HTRA1: variants seen among roughly 807,000 people sequenced by gnomAD.
HTRA1 encodes the protein HtrA serine peptidase 1, also known as serine protease HTRA1.
In HTRA1, 26 loss-of-function variants were observed where a neutral mutation model predicts 49.7. The ratio of observed to expected loss-of-function variants is 0.52; its 90% confidence interval spans 0.38 to 0.73. The LOEUF (loss-of-function observed/expected upper bound fraction) is 0.73. Ranked by LOEUF, HTRA1 falls within the 30% of genes least tolerant of loss-of-function variation. The pLI, the probability that HTRA1 is intolerant of heterozygous loss-of-function variation, is 0.00. For synonymous variants in HTRA1, 291 were observed against 286.9 expected (o/e 1.01, Z -0.14); for missense variants, 561 against 667.2 (o/e 0.84, Z 1.75).
chr10:122,500,850 C>G (rs2097500584), intron 3 of HTRA1, among the ~76,000 whole-genome samples: 1 of 152,216 alleles, frequency 6.6e-6, no homozygotes, highest in Non-Finnish European at 1.5e-5. Flanking sequence ...GCTGCGTGCA[C>G]AGACCTCCCC....
chr10:122,511,866 A>G, intron 7 of HTRA1, 104 bp from the exon 8 acceptor site: 1 of 799,856 alleles, frequency 1.3e-6, no homozygotes, highest in Non-Finnish European at 2.2e-6. Context: ...GAGGAATTTT[A>G]CCTTAGACCT....
intron 7 of HTRA1, 128 bp from the exon 8 acceptor site, chr10:122,511,842 G>T: frequency 1.4e-6 from 1 of 699,598 alleles, no homozygotes; most frequent in Non-Finnish European, 2.6e-6. Flanking sequence ...TTTAAAATAG[G>T]ATCAGAATTC....
chr10:122,479,555 A>G (rs189361323), intron 1 of HTRA1, among the ~76,000 whole-genome samples: 1 of 152,258 alleles, frequency 6.6e-6, no homozygotes, highest in South Asian at 2.1e-4. Flanking sequence ...CTTATTGATA[A>G]TATTATTTTA....
At chr10:122,479,525 A>G (rs183474701) in intron 1 of HTRA1, among the ~76,000 whole-genome samples, 1 of 152,238 alleles carries the variant, frequency 6.6e-6, no homozygotes, top group Admixed American at 6.5e-5. Flanking sequence ...GATGCTCTAC[A>G]ATAAATAGAT....
intron 3 of HTRA1, among the ~76,000 whole-genome samples, chr10:122,504,805 G>A (rs1205706632): frequency 1.3e-5 from 2 of 152,234 alleles, no homozygotes; most frequent in East Asian, 1.9e-4. Flanking sequence ...TGTGCTGCTG[G>A]ATGCTGATGA....
rs182631142 is a variant in HTRA1, at chr10:122,490,084, A to C, written c.777+458A>C. Among the ~76,000 whole-genome samples, 1 of 152,134 alleles carries C rather than the reference A, an allele frequency of 6.6e-6. No homozygotes were observed. The highest frequency in any genetic ancestry group is 2.4e-5 in the African/African-American group (1 of 41,412). ...CTTTGAAAACAAACCAGCTCTCCCAAATTGGGGTTTTGCGGGGTTATGAGA... is the reference window on the plus strand; with the variant it reads ...CTTTGAAAACAAACCAGCTCTCCCACATTGGGGTTTTGCGGGGTTATGAGA... On this transcript the variant is annotated intron_variant, in intron 3 of 8. Transcript: ENST00000368984. This position sits in a 1 kb window ranked among gnomAD's most constrained non-coding sequence, Gnocchi z 4.2.
chr10:122,493,247 T>C (rs548036183), intron 3 of HTRA1, among the ~76,000 whole-genome samples: 4 of 152,318 alleles, frequency 2.6e-5, no homozygotes, highest in African/African-American at 9.6e-5. Flanking sequence ...CAGGCATCCC[T>C]TTCTGTGCTT....
intron 3 of HTRA1, among the ~76,000 whole-genome samples, chr10:122,495,156 C>G (rs916148061): frequency 6.6e-6 from 1 of 152,226 alleles, no homozygotes; most frequent in African/African-American, 2.4e-5. Context: ...ATCTGTCACT[C>G]ATCCTCATGA....
rs1257061608 is a variant in HTRA1, at chr10:122,490,776, C to G, written c.777+1150C>G. Reference sequence around the variant, plus strand: ...TGGTTACACCTCCTTCTGGAAACAACTCTGCGTGTGCTGTTTGGGTGGTAG... The same window carrying G: ...TGGTTACACCTCCTTCTGGAAACAAGTCTGCGTGTGCTGTTTGGGTGGTAG... On this transcript the variant is annotated intron_variant, in intron 3 of 8. Coordinates refer to ENST00000368984, the MANE Select transcript of HTRA1 (RefSeq NM_002775.5). This position sits in a 1 kb window ranked among gnomAD's most constrained non-coding sequence, Gnocchi z 4.2. Among the ~76,000 whole-genome samples the G allele has an allele frequency of 6.6e-6, 1 of 152,224 alleles. No homozygotes were observed. The highest frequency in any genetic ancestry group is 1.5e-5 in the Non-Finnish European group (1 of 68,052).
At chr10:122,465,324 G>C (rs2097483355) in intron 1 of HTRA1, among the ~76,000 whole-genome samples, 1 of 152,202 alleles carries the variant, frequency 6.6e-6, no homozygotes, top group African/African-American at 2.4e-5. Context: ...AATACTAATA[G>C]GGTACTAATA....
Position 122,506,817 on chromosome 10 carries a change from C to A in HTRA1, c.904C>A (p.Arg302=). 1.9e-6 allele frequency: 3 copies of A among 1,613,850 alleles called. No homozygotes were observed. Among genetic ancestry groups the A allele is most frequent in the South Asian group, 1.1e-5 (1 of 91,072 alleles). Residue 302 remains arginine (R), a synonymous_variant, in exon 4 of 9, where the codon CGA becomes AGA. Transcript: ENST00000368984. This position sits in a 1 kb window ranked among gnomAD's most constrained non-coding sequence, Gnocchi z 5.2. Reference sequence around the variant, plus strand: ...CACCGGGATCGTGAGCACCACCCAGCGAGGCGGCAAAGAGCTGGGGCTCCG... The same window carrying A: ...CACCGGGATCGTGAGCACCACCCAGAGAGGCGGCAAAGAGCTGGGGCTCCG... ...VTTGIVSTTQ[R]GGKELGLRNS...
Position 122,461,973 on chromosome 10 carries a change from C to T in HTRA1, c.321C>T (p.Ala107=), listed in dbSNP as rs2133905336. 1.3e-6 allele frequency: 2 copies of T among 1,510,662 alleles called. No homozygotes were observed. Among genetic ancestry groups the T allele is most frequent in the East Asian group, 2.6e-5 (1 of 38,244 alleles). 93.6% of individuals were successfully genotyped at this position (1,510,662 alleles called of 1,614,324 possible). A position where few individuals can be genotyped will look rare whatever the true frequency, so the allele number is the denominator to read the frequency against. The change falls in exon 1 of 9, where the codon GCC becomes GCT. Residue 107 remains alanine (A), a synonymous_variant. Transcript: ENST00000368984. ...CCACGGTGCGGCGGCGCGCGCAGGC[C>T]GGCCTCTGTGTGTGCGCCAGCAGCG... The part of the protein sequence containing the change: ...ASATVRRRAQ[A]GLCVCASSEP...
At position 122,506,841 on chromosome 10, in the gene HTRA1, C is replaced by T. The variant is rs762018158; in HGVS notation, c.928C>T (p.Arg310Cys). 4 of 1,613,766 alleles carry T rather than the reference C, an allele frequency of 2.5e-6. No homozygotes were observed. Among genetic ancestry groups the T allele is most frequent in the South Asian group, 1.1e-5 (1 of 91,050 alleles). Residue 310 changes from arginine to cysteine, a missense_variant, in exon 4 of 9, where the codon CGC (arginine) becomes TGC (cysteine). Physicochemically the swap from Arg to Cys is radical, Grantham distance 180. Transcript: ENST00000368984. The surrounding 1 kb of genome is among the most constrained non-coding windows in gnomAD (Gnocchi z 5.2). ...GCGAGGCGGCAAAGAGCTGGGGCTC[C>T]GCAACTCAGACATGGACTACATCCA... is the stretch of plus-strand genomic sequence containing the variant. ...TQRGGKELGL[R>C]NSDMDYIQTD...
intron 1 of HTRA1, among the ~76,000 whole-genome samples, chr10:122,473,258 C>G (rs144427789): frequency 1.3e-5 from 2 of 152,120 alleles, no homozygotes; most frequent in African/African-American, 4.8e-5. Flanking sequence ...TTCTAACACT[C>G]GTGTCTCAGG....
intron 1 of HTRA1, among the ~76,000 whole-genome samples, chr10:122,462,757 C>CA (rs1169583645): frequency 1.3e-5 from 2 of 152,230 alleles, no homozygotes; most frequent in Non-Finnish European, 2.9e-5. Flanking sequence ...CGTTTTGAGC[C>CA]AGCCCTACAA....
At chr10:122,476,230 G>C (rs530923056) in intron 1 of HTRA1, among the ~76,000 whole-genome samples, 3 of 152,162 alleles carry the variant, frequency 2.0e-5, no homozygotes, top group Admixed American at 1.3e-4. Flanking sequence ...TGCAGCCTAC[G>C]TGCTGTCTTT....
At chr10:122,500,350 TTAAC>T (rs1328699339) in intron 3 of HTRA1, among the ~76,000 whole-genome samples, 1 of 152,220 alleles carries the variant, frequency 6.6e-6, no homozygotes, top group Admixed American at 6.5e-5. Context: ...TTACTTACAT[TTAAC>T]TATTGTCTGC....
chr10:122,503,201 C>T (rs761718466), intron 3 of HTRA1, among the ~76,000 whole-genome samples: 7 of 152,212 alleles, frequency 4.6e-5, no homozygotes, highest in South Asian at 2.1e-4. Context: ...GGCTTCACGG[C>T]GCCTGTGGCT....
At chr10:122,511,947 C>T (rs761434010) in intron 7 of HTRA1, 23 bp from the exon 8 acceptor site, 8 of 1,592,120 alleles carry the variant, frequency 5.0e-6, no homozygotes, top group Admixed American at 3.3e-5. Flanking sequence ...CACACTAACA[C>T]GGGTGCTTTT....
Sources: gnomAD v4.1 joint callset for allele counts (sites outside exome capture counted in the v4.1 genomes callset) on GRCh38, gnomAD v4.1.1 for gene constraint, Gnocchi (gnomAD v3.1) non-coding constraint, MANE v1.5 for transcripts, NCBI Gene and HGNC (gene_info 2026-07-23, HGNC 2026-07-21) for gene names.